Variants in SGPP2 observed in about 807,000 individuals in gnomAD.
The protein encoded by SGPP2 is sphingosine-1-phosphate phosphatase 2, also known as sphingosine 1-phosphate phosphohydrolase 2.
A neutral mutation model predicts 33.9 loss-of-function variants in SGPP2; 30 were observed. The ratio of observed to expected loss-of-function variants is 0.89; its 90% CI spans 0.66 to 1.20. SGPP2 has a LOEUF of 1.20. Among genes scored for constraint, SGPP2 ranks in the 50% most tolerant of loss-of-function variants. The probability of loss-of-function intolerance (pLI) is 0.00; values close to 1 mark genes in which losing one functional copy is unlikely to be tolerated. For missense variants in SGPP2, 458 were observed against 532.1 expected (o/e 0.86, Z 1.37); for synonymous variants, 233 against 225.0 (o/e 1.04, Z -0.32).
intron 1 of SGPP2, among the ~76,000 whole-genome samples, chr2:222,470,884 A>G (rs1333167544): frequency 6.6e-6 from 1 of 152,218 alleles, no homozygotes; most frequent in Non-Finnish European, 1.5e-5. Flanking sequence ...TTGTAAACAG[A>G]ACCTGCCGAG....
At chr2:222,558,240 C>A in intron 4 of SGPP2, 107 bp from the exon 5 acceptor site, 1 of 1,235,332 alleles carries the variant, frequency 8.1e-7, no homozygotes, top group Non-Finnish European at 1.1e-6. Context: ...TAAAACAATG[C>A]AAAAATTGTG....
rs959107034 is a variant in SGPP2 at position 222,490,848 on chromosome 2, A to G, written c.378+16122A>G. Among the ~76,000 whole-genome samples, 5 of 152,284 alleles carry G rather than the reference A, an allele frequency of 3.3e-5. No individual in the cohort carries two copies. In the East Asian group the frequency reaches 9.6e-4, roughly 29 times the overall value. On this transcript the variant is annotated intron_variant, in intron 2 of 4. Transcript: ENST00000321276. ...TCATAAAACAGCTTCTGAATCTTGT[A>G]TTCTTATAGATTCATCAGGCCTAGG...
chr2:222,460,730 C>T lies in SGPP2; in HGVS notation c.220-13838C>T, dbSNP rs989808804. The stretch of plus-strand genomic sequence containing the variant: ...ATCCCTCACACCCTGGCTGCTCTGT[C>T]GTGGACCAGGTACTGTTTCAGGAAC... On this transcript the variant is annotated intron_variant, in intron 1 of 4. Transcript: ENST00000321276. This position sits in a 1 kb window ranked among gnomAD's most constrained non-coding sequence, Gnocchi z 4.3. 2.6e-5 allele frequency among the ~76,000 whole-genome samples: 4 copies of T among 152,152 alleles called. No homozygotes were observed. The highest frequency in any genetic ancestry group is 4.4e-5 in the Non-Finnish European group (3 of 68,022).
Position 222,424,840 on chromosome 2 carries a change from T to C in SGPP2, c.219+19T>C. Reference sequence around the variant, plus strand: ...GCCGGAGGTAACCATGGGCAGGTGTTCGCCGGGTACGGGGAGGGGGCGGCT... The same window carrying C: ...GCCGGAGGTAACCATGGGCAGGTGTCCGCCGGGTACGGGGAGGGGGCGGCT... On this transcript the variant is annotated intron_variant, in intron 1 of 4. Transcript: ENST00000321276. 1 of 1,330,938 alleles carries C rather than the reference T, an allele frequency of 7.5e-7. No homozygotes were observed. The highest frequency in any genetic ancestry group is 9.6e-7 in the Non-Finnish European group (1 of 1,043,076). 82.4% of individuals were successfully genotyped at this position (1,330,938 alleles called of 1,614,324 possible).
chr2:222,446,062 A>G (rs1325599427), intron 1 of SGPP2, among the ~76,000 whole-genome samples: 1 of 152,212 alleles, frequency 6.6e-6, no homozygotes, highest in Non-Finnish European at 1.5e-5. Flanking sequence ...AAATAAAGTC[A>G]TGGGTCTACT....
At chr2:222,489,072 C>T (rs1698158271) in intron 2 of SGPP2, among the ~76,000 whole-genome samples, 1 of 152,102 alleles carries the variant, frequency 6.6e-6, no homozygotes, top group Admixed American at 6.5e-5. Flanking sequence ...GTGAAACAAA[C>T]AAAGGCTAAA....
chr2:222,456,776 A>G (rs563808349), intron 1 of SGPP2, among the ~76,000 whole-genome samples: 1 of 152,346 alleles, frequency 6.6e-6, no homozygotes, highest in Non-Finnish European at 1.5e-5. Context: ...TGATGACCTC[A>G]GCCCCAGCTT....
chr2:222,505,060 A>G (rs2106120853), intron 2 of SGPP2, among the ~76,000 whole-genome samples: 1 of 152,376 alleles, frequency 6.6e-6, no homozygotes, highest in East Asian at 1.9e-4. Context: ...TTGATAGCAA[A>G]GAATTTATAC....
chr2:222,541,832 C>T (rs1699003141), intron 4 of SGPP2, among the ~76,000 whole-genome samples: 1 of 152,022 alleles, frequency 6.6e-6, no homozygotes, highest in South Asian at 2.1e-4. Flanking sequence ...GAACTCCTGA[C>T]CTCAAGTGAT....
At position 222,459,140 on chromosome 2, in the gene SGPP2, TTC is replaced by T. The variant is rs1296436657; in HGVS notation, c.220-15426_220-15425del. Reference sequence around the variant, plus strand: ...CACTTTTTTTTCTTTCTTTCTTTCTTTCTTTTTTTTTTTTTTTTTTTTTTGAG... The same window carrying T: ...CACTTTTTTTTCTTTCTTTCTTTCTTTTTTTTTTTTTTTTTTTTTTTTGAG... On this transcript the variant is annotated intron_variant, in intron 1 of 4. Coordinates refer to ENST00000321276, the MANE Select transcript of SGPP2 (RefSeq NM_152386.4). Among the ~76,000 whole-genome samples, 565 of 123,694 alleles carry T rather than the reference TTC, an allele frequency of 4.6e-3. 3 individuals carry two copies. Among genetic ancestry groups the T allele is most frequent in the African/African-American group, 0.015 (541 of 36,368 alleles). The allele number at this position is 123,694 out of a possible 152,430, so 81.1% of individuals were successfully genotyped here.
At chr2:222,504,309 G>C (rs1698412077) in intron 2 of SGPP2, 1 of 152,266 alleles carries the variant, frequency 6.6e-6, no homozygotes, top group South Asian at 2.1e-4. Flanking sequence ...ATCATGATCT[G>C]TGGGGAGCAG....
intron 2 of SGPP2, among the ~76,000 whole-genome samples, chr2:222,484,329 A>C (rs1183605461): frequency 6.6e-6 from 1 of 152,126 alleles, no homozygotes; most frequent in Non-Finnish European, 1.5e-5. Context: ...GTAGAATTGT[A>C]GCTGTCCCAG....
chr2:222,515,803 C>T (rs1337918523), intron 2 of SGPP2, among the ~76,000 whole-genome samples: 1 of 152,128 alleles, frequency 6.6e-6, no homozygotes, highest in African/African-American at 2.4e-5. Context: ...CTTTGGGAGG[C>T]CAAGGCAGGC....
At chr2:222,523,151 G>A (rs1698711263) in intron 3 of SGPP2, among the ~76,000 whole-genome samples, 1 of 152,200 alleles carries the variant, frequency 6.6e-6, no homozygotes, top group South Asian at 2.1e-4. Flanking sequence ...CTAGTGTGGG[G>A]TCCCACCTCT....
intron 2 of SGPP2, among the ~76,000 whole-genome samples, chr2:222,486,214 C>T (rs1413231786): frequency 6.6e-6 from 1 of 152,160 alleles, no homozygotes; most frequent in African/African-American, 2.4e-5. Flanking sequence ...CTCTGGGAAA[C>T]TGAGGCTTTC....
chr2:222,555,141 A>G (rs1271138681), intron 4 of SGPP2, among the ~76,000 whole-genome samples: 3 of 152,166 alleles, frequency 2.0e-5, no homozygotes, highest in African/African-American at 7.2e-5. Context: ...TCTTCAGTTC[A>G]GCATAATTTC....
At chr2:222,431,761 G>A (rs549058270) in intron 1 of SGPP2, among the ~76,000 whole-genome samples, 5 of 152,286 alleles carry the variant, frequency 3.3e-5, no homozygotes, top group Admixed American at 2.6e-4. Flanking sequence ...AGCCAGGCAG[G>A]AAGAGGTTGA....
upstream of SGPP2, among the ~76,000 whole-genome samples, chr2:222,424,279 T>A (rs1574822453): frequency 7.6e-6 from 1 of 131,682 alleles, no homozygotes; most frequent in African/African-American, 2.8e-5. Context: ...GGGTGGGGGG[T>A]TGGGGGCGCC....
At chr2:222,462,262 G>A (rs2106085280) in intron 1 of SGPP2, among the ~76,000 whole-genome samples, 1 of 152,244 alleles carries the variant, frequency 6.6e-6, no homozygotes, top group Admixed American at 6.5e-5. Context: ...GGTAGAAAGA[G>A]GTCCATGGGA....
Sources: gnomAD v4.1 joint callset for allele counts (sites outside exome capture counted in the v4.1 genomes callset) on GRCh38, gnomAD v4.1.1 for gene constraint, Gnocchi (gnomAD v3.1) non-coding constraint, MANE v1.5 for transcripts, NCBI Gene and HGNC (gene_info 2026-07-23, HGNC 2026-07-21) for gene names.